RPS6KC1: variants seen among roughly 807,000 people sequenced by gnomAD.
RPS6KC1 encodes the protein inactive ribosomal protein S6 kinase delta-1.
A neutral mutation model predicts 103.8 loss-of-function variants in RPS6KC1; 54 were observed. The ratio of observed to expected loss-of-function variants is 0.52; its 90% CI spans 0.42 to 0.65. The LOEUF (loss-of-function observed/expected upper bound fraction) is 0.65. Among genes scored for constraint, RPS6KC1 ranks in the 30% least tolerant of loss-of-function variants. The pLI, the probability that RPS6KC1 is intolerant of heterozygous loss-of-function variation, is 0.00. For synonymous variants in RPS6KC1, 439 were observed against 438.7 expected (o/e 1.00, Z -0.01); for missense variants, 1,151 against 1,253.8 (o/e 0.92, Z 1.24).
the RPS6KC1 span, among the ~76,000 whole-genome samples, chr1:213,472,590 G>A: frequency 1.3e-4 from 20 of 152,176 alleles, no homozygotes; most frequent in African/African-American, 4.8e-4. Context: ...CTATGTGCAC[G>A]TGTCTTCATG....
rs1464515779 is a variant in RPS6KC1 at position 213,273,230 on chromosome 1, A to G, written c.*596A>G. 6.5e-6 allele frequency: 1 copy of G among 152,804 alleles called. No individual in the cohort carries two copies. 9.5% of individuals were successfully genotyped at this position (152,804 alleles called of 1,614,324 possible). A position where few individuals can be genotyped will look rare whatever the true frequency, so the allele number is the denominator to read the frequency against. On this transcript the variant is annotated 3_prime_UTR_variant, in exon 15 of 15. Transcript: ENST00000366960. The stretch of plus-strand genomic sequence containing the variant: ...AGACACTCCATGTTGTCAGCTTTGT[A>G]CTCTTTGTTGATACTGCTTATTTAG...
chr1:213,310,083 A>T, the RPS6KC1 span, among the ~76,000 whole-genome samples: 1 of 152,020 alleles, frequency 6.6e-6, no homozygotes. Context: ...CCTTTCCTTG[A>T]CTATCCCCCA....
chr1:213,788,248 G>A, the RPS6KC1 span, among the ~76,000 whole-genome samples: 2 of 152,116 alleles, frequency 1.3e-5, no homozygotes, highest in Non-Finnish European at 2.9e-5. Flanking sequence ...GGATGTGCTT[G>A]CTCTAAGCAG....
intron 6 of RPS6KC1, among the ~76,000 whole-genome samples, chr1:213,158,412 A>G (rs991423807): frequency 2.0e-5 from 3 of 152,096 alleles, no homozygotes; most frequent in African/African-American, 7.2e-5. Flanking sequence ...CCTCAAAATA[A>G]CCATTTGACC....
chr1:213,242,178 T>A lies in RPS6KC1; in HGVS notation c.2702T>A (p.Ile901Asn), dbSNP rs145246683. ...KKLALASRFYIPEGCIQRWAA... is the reference protein window; with the variant it reads ...KKLALASRFYNPEGCIQRWAA... Reference sequence around the variant, plus strand: ...TTAGCACTAGCCTCCAGGTTTTACATCCCAGAGGGCTGCATTCAAAGATGG... The same window carrying A: ...TTAGCACTAGCCTCCAGGTTTTACAACCCAGAGGGCTGCATTCAAAGATGG... Residue 901 changes from isoleucine to asparagine, a missense_variant, in exon 11 of 15, where the codon ATC becomes AAC. Coordinates refer to ENST00000366960, the MANE Select transcript of RPS6KC1 (RefSeq NM_012424.6). 3 of 1,613,960 alleles carry A rather than the reference T, an allele frequency of 1.9e-6. No homozygotes were observed. The highest frequency in any genetic ancestry group is 1.7e-5 in the Admixed American group (1 of 59,968).
rs570415715 is a variant in RPS6KC1 at position 213,105,526 on chromosome 1, G to T, written c.378+957G>T. On this transcript the variant is annotated intron_variant, in intron 4 of 14. Coordinates refer to ENST00000366960, the MANE Select transcript of RPS6KC1 (RefSeq NM_012424.6). ...ATTATTTATTTATTTATTTTTTTCT[G>T]CCAGTGCTTCATCACCTAGGAATTT... Among the ~76,000 whole-genome samples the T allele has an allele frequency of 2.0e-5, 3 of 151,782 alleles. No individual in the cohort carries two copies. The South Asian group carries it at 6.2e-4, about 32-fold the overall frequency.
At chr1:213,575,513 G>A in the RPS6KC1 span, among the ~76,000 whole-genome samples, 1 of 152,160 alleles carries the variant, frequency 6.6e-6, no homozygotes, top group Non-Finnish European at 1.5e-5. Flanking sequence ...AGATCTGATG[G>A]TTTTATAAAG....
the RPS6KC1 span, among the ~76,000 whole-genome samples, chr1:213,657,941 G>C: frequency 4.6e-5 from 7 of 152,318 alleles, no homozygotes; most frequent in South Asian, 2.1e-4. Flanking sequence ...TGGTAGAGTG[G>C]ACATACTGTA....
chr1:213,758,759 C>T, the RPS6KC1 span, among the ~76,000 whole-genome samples: 7 of 152,060 alleles, frequency 4.6e-5, no homozygotes, highest in Admixed American at 6.6e-5. Flanking sequence ...GAAGTGGAGC[C>T]TGAAGATGGG....
the RPS6KC1 span, among the ~76,000 whole-genome samples, chr1:213,550,231 C>T: frequency 2.6e-5 from 4 of 152,118 alleles, no homozygotes; most frequent in African/African-American, 4.8e-5. Context: ...GGTAACATTG[C>T]GGTGTCAGAC....
At chr1:213,465,290 C>G in the RPS6KC1 span, among the ~76,000 whole-genome samples, 1 of 152,174 alleles carries the variant, frequency 6.6e-6, no homozygotes, top group African/African-American at 2.4e-5. Context: ...GGAACCTGAA[C>G]TTTAACAGGG....
chr1:213,493,015 T>A, the RPS6KC1 span, among the ~76,000 whole-genome samples: 145 of 152,278 alleles, frequency 9.5e-4, 2 homozygotes, highest in Admixed American at 9.4e-3. Flanking sequence ...CTGGTAGAGA[T>A]CGTGGTGATG....
the RPS6KC1 span, among the ~76,000 whole-genome samples, chr1:213,655,207 T>G: frequency 2.6e-5 from 4 of 152,156 alleles, no homozygotes; most frequent in African/African-American, 9.7e-5. Flanking sequence ...TTTGCTCAGT[T>G]AATTTTTGTA....
At chr1:213,599,744 G>C in the RPS6KC1 span, among the ~76,000 whole-genome samples, 1 of 152,188 alleles carries the variant, frequency 6.6e-6, no homozygotes, top group African/African-American at 2.4e-5. Context: ...TGGATTCGAA[G>C]GGCATGGTGA....
the RPS6KC1 span, among the ~76,000 whole-genome samples, chr1:213,711,373 T>C: frequency 1.1e-4 from 17 of 152,294 alleles, no homozygotes; most frequent in East Asian, 2.9e-3. Flanking sequence ...TCATTTATGT[T>C]CTTCTGTAAA....
chr1:213,541,401 C>T, the RPS6KC1 span, among the ~76,000 whole-genome samples: 7 of 151,836 alleles, frequency 4.6e-5, no homozygotes, highest in Non-Finnish European at 7.4e-5. Flanking sequence ...AAAATGAGCA[C>T]GTTCTGTTGG....
At chr1:213,691,860 CCTT>C in the RPS6KC1 span, among the ~76,000 whole-genome samples, 1 of 152,120 alleles carries the variant, frequency 6.6e-6, no homozygotes, top group Non-Finnish European at 1.5e-5. Flanking sequence ...GAGGCAGTGA[CCTT>C]CTGGCTGGAG....
At chr1:213,193,986 AT>A (rs1265628036) in intron 8 of RPS6KC1, among the ~76,000 whole-genome samples, 1 of 152,142 alleles carries the variant, frequency 6.6e-6, no homozygotes, top group African/African-American at 2.4e-5. Context: ...TGCTTTATAT[AT>A]CTGGGTGCTC....
Position 213,051,340 on chromosome 1 carries a change from G to A in RPS6KC1, c.-65G>A. ...GCCGCTGCGTTGGGGAACCTGGACCGCGGCGGCGCCGGGTTTCCCTCATGA... is the reference window on the plus strand; with the variant it reads ...GCCGCTGCGTTGGGGAACCTGGACCACGGCGGCGCCGGGTTTCCCTCATGA... On this transcript the variant is annotated 5_prime_UTR_variant, in exon 1 of 15. Coordinates refer to ENST00000366960, the MANE Select transcript of RPS6KC1 (RefSeq NM_012424.6). 3.1e-6 allele frequency: 4 copies of A among 1,301,986 alleles called. No homozygotes were observed. The highest frequency in any genetic ancestry group is 4.4e-6 in the Non-Finnish European group (4 of 907,198). The allele number at this position is 1,301,986 out of a possible 1,614,324, so 80.7% of individuals were successfully genotyped here. A position where few individuals can be genotyped will look rare whatever the true frequency, so the allele number is the denominator to read the frequency against.
Sources: allele counts gnomAD v4.1 joint callset (sites outside exome capture counted in the v4.1 genomes callset), GRCh38; gene constraint gnomAD v4.1.1; transcripts MANE v1.5; gene names NCBI Gene and HGNC (gene_info 2026-07-23, HGNC 2026-07-21).